P4HA2: variants seen among roughly 807,000 people sequenced by gnomAD.
The protein encoded by P4HA2 is prolyl 4-hydroxylase subunit alpha-2.
Under a neutral mutation model 76.9 loss-of-function variants are expected in P4HA2, and 46 were observed. The observed-to-expected ratio is 0.60, with a 90% CI of 0.47 to 0.76. The LOEUF is 0.76. Among genes scored for constraint, P4HA2 ranks in the 30% least tolerant of loss-of-function variants. The pLI is 0.00. For synonymous variants in P4HA2, 243 were observed against 254.0 expected (o/e 0.96, Z 0.41); for missense variants, 583 against 669.4 (o/e 0.87, Z 1.42).
Position 132,210,399 on chromosome 5 carries a change from G to A in P4HA2, c.594C>T (p.Ala198=), listed in dbSNP as rs147510145. ...ACTTGGTTGTGGTGGCCTCCTCCCC[G>A]GCATCAAGCTGCTTTAGCACCTGCT... The part of the protein sequence containing the change: ...WMEQVLKQLD[A]GEEATTTKSQ... Residue 198 remains alanine (A), a synonymous_variant, in exon 6 of 15, where the codon GCC becomes GCT. Coordinates refer to ENST00000360568, the MANE Select transcript of P4HA2 (RefSeq NM_001017974.2). 8.7e-6 allele frequency: 14 copies of A among 1,613,964 alleles called. No homozygotes were observed. Among genetic ancestry groups the A allele is most frequent in the East Asian group, 4.5e-5 (2 of 44,882 alleles).
At chr5:132,218,014 T>C (rs1754166768) in intron 2 of P4HA2, 166 bp from the exon 3 acceptor site, 4 of 540,750 alleles carry the variant, frequency 7.4e-6, no homozygotes, top group South Asian at 2.6e-5. Context: ...TAGGCACTCA[T>C]GGGGCTCTAT....
chr5:132,216,035 T>TG (rs1207549017), intron 4 of P4HA2, among the ~76,000 whole-genome samples: 1 of 151,086 alleles, frequency 6.6e-6, no homozygotes, highest in Non-Finnish European at 1.5e-5. Flanking sequence ...CATGGTGGCA[T>TG]GTGCCTATAG....
chr5:132,226,254 A>G (rs1377675740), intron 1 of P4HA2, among the ~76,000 whole-genome samples: 2 of 152,204 alleles, frequency 1.3e-5, no homozygotes, highest in Non-Finnish European at 2.9e-5. Flanking sequence ...TGGACAATGG[A>G]TCTCCACAAA....
chr5:132,209,417 T>G, intron 6 of P4HA2, 86 bp from the exon 7 acceptor site: 1 of 1,069,730 alleles, frequency 9.3e-7, no homozygotes, highest in Non-Finnish European at 1.4e-6. Context: ...AGGGTTTCTC[T>G]CCCAGCAGCT....
In P4HA2 at chr5:132,216,577, G is replaced by A. The variant is rs193094669; in HGVS notation, c.331+620C>T. Among the ~76,000 whole-genome samples the A allele has an allele frequency of 4.6e-3, 704 of 152,264 alleles. 7 individuals carry two copies. Among genetic ancestry groups the A allele is most frequent in the Non-Finnish European group, 7.0e-3 (473 of 68,018 alleles). The stretch of plus-strand genomic sequence containing the variant: ...AGAACATTGAATGGCATATAAAGAA[G>A]CTGAGAAATTCACAGAATTTTTTCT... On this transcript the variant is annotated intron_variant, in intron 4 of 14. Coordinates refer to ENST00000360568, the MANE Select transcript of P4HA2 (RefSeq NM_001017974.2).
At chr5:132,217,448 G>T in intron 3 of P4HA2, 100 bp from the exon 4 acceptor site, 1 of 1,167,296 alleles carries the variant, frequency 8.6e-7, no homozygotes, top group Non-Finnish European at 1.2e-6. Context: ...CAGGTTCTGG[G>T]GCCCTTTTCA....
intron 1 of P4HA2, among the ~76,000 whole-genome samples, chr5:132,225,291 G>C (rs903195533): frequency 1.3e-5 from 2 of 152,124 alleles, no homozygotes; most frequent in African/African-American, 4.8e-5. Flanking sequence ...ACTTCCATCT[G>C]CATAATAGTA....
rs201865980 is a variant in P4HA2, at chr5:132,191,826, A to T, written c.*1184T>A. The stretch of plus-strand genomic sequence containing the variant: ...AATGTTTATCACAGCATTATTCACA[A>T]TATACAAAGACTGAAATCAATTCCA... On this transcript the variant is annotated 3_prime_UTR_variant, in exon 15 of 15. Transcript: ENST00000360568. The T allele has an allele frequency of 2.0e-5, 3 of 152,238 alleles. No homozygotes were observed. The highest frequency in any genetic ancestry group is 4.4e-5 in the Non-Finnish European group (3 of 68,044). 9.4% of individuals were successfully genotyped at this position (152,238 alleles called of 1,614,324 possible).
intron 1 of P4HA2, among the ~76,000 whole-genome samples, chr5:132,226,100 T>C (rs1480379045): frequency 6.6e-6 from 1 of 152,194 alleles, no homozygotes; most frequent in Non-Finnish European, 1.5e-5. Context: ...AGGCTGCACC[T>C]TGGACACCTC....
chr5:132,196,678 T>C (rs1341543219), intron 12 of P4HA2, among the ~76,000 whole-genome samples: 3 of 152,012 alleles, frequency 2.0e-5, no homozygotes, highest in African/African-American at 7.2e-5. Flanking sequence ...CTGGCCAAGA[T>C]GGTGAAACCT....
intron 1 of P4HA2, among the ~76,000 whole-genome samples, chr5:132,224,191 G>A (rs1302145440): frequency 6.6e-6 from 1 of 152,238 alleles, no homozygotes; most frequent in Non-Finnish European, 1.5e-5. Flanking sequence ...AGGCAGTACA[G>A]TCAAATGGAC....
intron 8 of P4HA2, among the ~76,000 whole-genome samples, chr5:132,206,786 A>G (rs1342549690): frequency 5.9e-5 from 9 of 152,254 alleles, no homozygotes; most frequent in African/African-American, 2.4e-5. Context: ...GGGCAATTCA[A>G]TAAGGTTATA....
rs1255039423 is a variant in P4HA2, at chr5:132,217,538, C to A, written c.180-190G>T. On this transcript the variant is annotated intron_variant, in intron 3 of 14. Coordinates refer to ENST00000360568, the MANE Select transcript of P4HA2 (RefSeq NM_001017974.2). ...TTAATCTAGATAACAGCTGGGACCC[C>A]CAATGTAAGGGAAAAGGTCTTAAAT... 3 of 641,836 alleles carry A rather than the reference C, an allele frequency of 4.7e-6. No homozygotes were observed. The Admixed American group carries it at 8.5e-5, about 18-fold the overall frequency. 39.8% of individuals were successfully genotyped at this position (641,836 alleles called of 1,614,324 possible).
chr5:132,197,030 T>C (rs2126535386), intron 12 of P4HA2, among the ~76,000 whole-genome samples: 1 of 152,090 alleles, frequency 6.6e-6, no homozygotes, highest in South Asian at 2.1e-4. Flanking sequence ...AGGGAAAAAA[T>C]GGACACAGGC....
intron 14 of P4HA2, among the ~76,000 whole-genome samples, chr5:132,194,389 TTG>T: frequency 6.6e-6 from 1 of 152,166 alleles, no homozygotes; most frequent in Non-Finnish European, 1.5e-5. Context: ...ATATCCTGGT[TTG>T]AGCCTCTCCG....
chr5:132,219,201 C>G (rs1168350045), intron 1 of P4HA2, among the ~76,000 whole-genome samples: 3 of 152,214 alleles, frequency 2.0e-5, no homozygotes, highest in African/African-American at 7.2e-5. Flanking sequence ...AGGAATAAAA[C>G]TAACCCTTGT....
exon 1 of P4HA2, chr5:132,227,848 CGGCGCCTCCTCCCTT>C (rs1469269808): frequency 6.6e-6 from 1 of 152,364 alleles, no homozygotes; most frequent in African/African-American, 2.4e-5. Context: ...CCGGTCAGCT[CGGCGCCTCCTCCCTT>C]GGCGACTCCG....
chr5:132,218,476 C>T (rs1234871375), intron 2 of P4HA2, 69 bp downstream of exon 2: 2 of 1,089,240 alleles, frequency 1.8e-6, no homozygotes, highest in Non-Finnish European at 2.8e-6. Flanking sequence ...TGAGAACAGG[C>T]TGCAGCCAGA....
intron 5 of P4HA2, among the ~76,000 whole-genome samples, chr5:132,210,734 C>T (rs563617785): frequency 3.3e-5 from 5 of 152,264 alleles, no homozygotes; most frequent in Admixed American, 2.6e-4. Flanking sequence ...TCACAGCCAC[C>T]TCTTAGCCTC....
Sources: allele counts gnomAD v4.1 joint callset (sites outside exome capture counted in the v4.1 genomes callset), GRCh38; gene constraint gnomAD v4.1.1; transcripts MANE v1.5; gene names NCBI Gene and HGNC (gene_info 2026-07-23, HGNC 2026-07-21).